EIF4G2: variants seen among roughly 807,000 people sequenced by gnomAD.
EIF4G2 encodes DAP-5.
In EIF4G2, 8 loss-of-function variants were observed where a neutral mutation model predicts 117.7. The observed-to-expected ratio is 0.07, with a 90% confidence interval of 0.04 to 0.12. The LOEUF is 0.12. Among genes scored for constraint, EIF4G2 ranks in the 10% least tolerant of loss-of-function variants. The pLI is 1.00. For synonymous variants in EIF4G2, 413 were observed against 367.8 expected (o/e 1.12, Z -1.41); for missense variants, 812 against 1,086.2 (o/e 0.75, Z 3.55).
chr11:10,804,612 A>C, intron 5 of EIF4G2, 194 bp from the exon 6 acceptor site: 3 of 705,560 alleles, frequency 4.3e-6, no homozygotes, highest in South Asian at 4.5e-5. Flanking sequence ...AAGTCTACAT[A>C]AACTGTCATA....
At chr11:10,804,615 C>T (rs12417274) in intron 5 of EIF4G2, 197 bp from the exon 6 acceptor site, 18,624 of 699,018 alleles carry the variant, frequency 0.027, 292 homozygotes, top group Middle Eastern at 0.043. Flanking sequence ...TCTACATAAA[C>T]TGTCATACAA....
chr11:10,807,910 TG>T, intron 1 of EIF4G2: 1 of 1,015,674 alleles, frequency 9.8e-7, no homozygotes, highest in South Asian at 3.5e-5. Flanking sequence ...GGCCACAACA[TG>T]GCAGCAGGAA....
chr11:10,802,241 C>A (rs1223266380), intron 12 of EIF4G2, 32 bp from the exon 13 acceptor site: 2 of 1,611,504 alleles, frequency 1.2e-6, no homozygotes, highest in Non-Finnish European at 1.7e-6. Flanking sequence ...ACTCTCAAAA[C>A]TAAAGTTAAC....
rs1847421955 is a variant in EIF4G2 at position 10,801,650 on chromosome 11, G to A, written c.1413+11C>T. On this transcript the variant is annotated intron_variant, in intron 14 of 21. Coordinates refer to ENST00000339995, the MANE Select transcript of EIF4G2 (RefSeq NM_001418.4). ...CAAACTATGGTATATAAGTAACATA[G>A]GCAAATGTACCTCATCTGCATTAAG... 4 of 1,603,394 alleles carry A rather than the reference G, an allele frequency of 2.5e-6. No homozygotes were observed. The highest frequency in any genetic ancestry group is 1.7e-5 in the Admixed American group (1 of 59,982).
chr11:10,801,609 T>TA (rs560942711), intron 14 of EIF4G2, 52 bp downstream of exon 14: 4 of 1,527,976 alleles, frequency 2.6e-6, no homozygotes, highest in Non-Finnish European at 1.8e-6. Flanking sequence ...CATCGGGCAA[T>TA]AAATTTCTGA....
chr11:10,800,901 C>G, intron 15 of EIF4G2, 61 bp downstream of exon 15: 1 of 1,611,468 alleles, frequency 6.2e-7, no homozygotes, highest in Non-Finnish European at 8.5e-7. Context: ...GAAGAACACA[C>G]TAAATTTAGA....
Position 10,803,595 on chromosome 11 carries a change from A to C in EIF4G2, c.703-5T>G, listed in dbSNP as rs1847485637. On this transcript the variant is annotated splice_region_variant and splice_polypyrimidine_tract_variant and intron_variant, in intron 8 of 21. Coordinates refer to ENST00000339995, the MANE Select transcript of EIF4G2 (RefSeq NM_001418.4). This position sits in a 1 kb window ranked among gnomAD's most constrained non-coding sequence, Gnocchi z 4.0. ...TCTCTTCTTCTTTTCCAAAAGCTAC[A>C]AGAATAAAAGGCCATGGTGACAAAG... is the stretch of plus-strand genomic sequence containing the variant. The C allele has an allele frequency of 6.2e-7, 1 of 1,610,212 alleles. No individual in the cohort carries two copies. Among genetic ancestry groups the C allele is most frequent in the African/African-American group, 1.3e-5 (1 of 74,838 alleles).
At position 10,802,135 on chromosome 11, in the gene EIF4G2, G is replaced by C; in HGVS notation, c.1213C>G (p.Gln405Glu). 6.9e-7 allele frequency: 1 copy of C among 1,454,536 alleles called. No individual in the cohort carries two copies. The highest frequency in any genetic ancestry group is 9.1e-7 in the Non-Finnish European group (1 of 1,096,386). 90.1% of individuals were successfully genotyped at this position (1,454,536 alleles called of 1,614,324 possible). The change falls in exon 13 of 22, where the codon CAA (glutamine) becomes GAA (glutamate). Residue 405 changes from glutamine to glutamate, a missense_variant. Around this residue, in one of 4 missense-constraint regions of EIF4G2, gnomAD observed 571 missense variants for 642.3 expected, o/e 0.89. Coordinates refer to ENST00000339995, the MANE Select transcript of EIF4G2 (RefSeq NM_001418.4). Reference sequence around the variant, plus strand: ...TGTCCCCCATGGCCATTGAAGAGTTGATTTGAACGATGACGTCCCATGGTG... The same window carrying C: ...TGTCCCCCATGGCCATTGAAGAGTTCATTTGAACGATGACGTCCCATGGTG...
Position 10,801,097 on chromosome 11 carries a change from A to C in EIF4G2, c.1414-10T>G, listed in dbSNP as rs749966549. On this transcript the variant is annotated splice_polypyrimidine_tract_variant and intron_variant, in intron 14 of 21. Coordinates refer to ENST00000339995, the MANE Select transcript of EIF4G2 (RefSeq NM_001418.4). ...CAGGCCTCAGGCTAATCTGGAATTG[A>C]AAACAAAATATATCTAAATTAACAA... 2 of 1,613,796 alleles carry C rather than the reference A, an allele frequency of 1.2e-6. No homozygotes were observed. The highest frequency in any genetic ancestry group is 3.3e-5 in the Admixed American group (2 of 59,908).
At chr11:10,806,613 A>C in intron 3 of EIF4G2, 2 of 539,204 alleles carry the variant, frequency 3.7e-6, no homozygotes, top group Non-Finnish European at 6.6e-6. Context: ...ATAAGGAAAA[A>C]AATAACAGCT....
At chr11:10,802,924 T>G (rs1847469319) in intron 11 of EIF4G2, 106 bp downstream of exon 11, 2 of 927,272 alleles carry the variant, frequency 2.2e-6, no homozygotes, top group Non-Finnish European at 3.2e-6. Context: ...GCTCCACCAC[T>G]AAGATGAGAC....
At chr11:10,806,679 T>G in intron 3 of EIF4G2, 141 bp downstream of exon 3, 1 of 818,652 alleles carries the variant, frequency 1.2e-6, no homozygotes, top group Non-Finnish European at 1.9e-6. Flanking sequence ...GAACTGATAT[T>G]CTGTATTTAG....
rs2135414031 is a variant in EIF4G2, at chr11:10,802,925, A to T, written c.996+105T>A. On this transcript the variant is annotated intron_variant, in intron 11 of 21. Transcript: ENST00000339995. ...ACTAAAAACATTAAGCTCCACCACT[A>T]AGATGAGACAGACCCCTCAAGCGTT... is the stretch of plus-strand genomic sequence containing the variant. 4 of 932,816 alleles carry T rather than the reference A, an allele frequency of 4.3e-6. No homozygotes were observed. The East Asian group carries it at 1.0e-4, about 24-fold the overall frequency. The allele number at this position is 932,816 out of a possible 1,614,324, so 57.8% of individuals were successfully genotyped here.
At chr11:10,807,927 G>A (rs775069720) in intron 1 of EIF4G2, 65 of 1,011,776 alleles carry the variant, frequency 6.4e-5, no homozygotes, top group Non-Finnish European at 7.3e-5. Context: ...AGGAACCTCC[G>A]CCCCGTTTTT....
At chr11:10,806,627 G>C (rs1053825356) in intron 3 of EIF4G2, 193 bp downstream of exon 3, 1 of 559,824 alleles carries the variant, frequency 1.8e-6, no homozygotes, top group Non-Finnish European at 3.2e-6. Context: ...AACAGCTTGA[G>C]AGTCTCAACT....
In EIF4G2 at chr11:10,801,766, G is replaced by A; in HGVS notation, c.1308C>T (p.Ser436=). Residue 436 remains serine, a synonymous_variant, in exon 14 of 22, where the codon AGC becomes AGT. Transcript: ENST00000339995. ...CCTGACTCTGGTTATGGTAGAGCTGGCTTAGCCCCTATTTCAGAAAAGGAG... is the reference window on the plus strand; with the variant it reads ...CCTGACTCTGGTTATGGTAGAGCTGACTTAGCCCCTATTTCAGAAAAGGAG... 6.2e-7 allele frequency: 1 copy of A among 1,613,412 alleles called. No homozygotes were observed. The highest frequency in any genetic ancestry group is 8.5e-7 in the Non-Finnish European group (1 of 1,179,834).
chr11:10,799,068 A>G lies in EIF4G2; in HGVS notation c.2582T>C (p.Ile861Thr), dbSNP rs1001246801. 3 of 1,612,392 alleles carry G rather than the reference A, an allele frequency of 1.9e-6. No homozygotes were observed. The highest frequency in any genetic ancestry group is 1.3e-5 in the African/African-American group (1 of 74,800). The change falls in exon 21 of 22, where the codon ATT becomes ACT. Residue 861 changes from isoleucine (I) to threonine (T), a missense_variant. By Grantham distance (89) the Ile-to-Thr change is moderately conservative (BLOSUM62 -1). Transcript: ENST00000339995. ...CCAAGCCAAGAAAGCTTCTTCTTCA[A>G]TAATTTCCATGTCATAGAAGTGCAC...
At position 10,803,861 on chromosome 11, in the gene EIF4G2, G is replaced by C; in HGVS notation, c.702+38C>G. ...AATAATTGACTCATTTCCTCCAAAC[G>C]ACTGACTACATTCGCCTAACTTCCC... On this transcript the variant is annotated intron_variant, in intron 8 of 21. Coordinates refer to ENST00000339995, the MANE Select transcript of EIF4G2 (RefSeq NM_001418.4). This position sits in a 1 kb window ranked among gnomAD's most constrained non-coding sequence, Gnocchi z 4.0. 1 of 1,588,538 alleles carries C rather than the reference G, an allele frequency of 6.3e-7. No individual in the cohort carries two copies. Among genetic ancestry groups the C allele is most frequent in the South Asian group, 1.1e-5 (1 of 88,782 alleles).
chr11:10,804,939 G>A lies in EIF4G2; in HGVS notation c.325C>T (p.Leu109Phe), dbSNP rs1338805700. Residue 109 changes from leucine to phenylalanine, a missense_variant, in exon 5 of 22, where the codon CTC (leucine) becomes TTC (phenylalanine). This residue lies in a region of EIF4G2 where 154 missense variants were observed against 322.1 expected (regional missense o/e 0.48). Coordinates refer to ENST00000339995, the MANE Select transcript of EIF4G2 (RefSeq NM_001418.4). Reference sequence around the variant, plus strand: ...AGCAGTATGACCCCTTTAAGGATGAGTTTAGACTCTACACCCACATTGAGG... The same window carrying A: ...AGCAGTATGACCCCTTTAAGGATGAATTTAGACTCTACACCCACATTGAGG... The A allele has an allele frequency of 2.5e-6, 4 of 1,614,016 alleles. No homozygotes were observed. The highest frequency in any genetic ancestry group is 3.3e-5 in the Admixed American group (2 of 60,024).
Sources: allele counts gnomAD v4.1 joint callset, GRCh38; gene constraint gnomAD v4.1.1; regional missense constraint gnomAD v4.1.1; non-coding constraint Gnocchi (gnomAD v3.1); transcripts MANE v1.5; gene names NCBI Gene and HGNC (gene_info 2026-07-23, HGNC 2026-07-21).